The following COBL variants were observed in gnomAD, a reference collection of about 807,000 sequenced individuals.
COBL encodes the protein cordon-bleu WH2 repeat protein, also known as protein cordon-bleu.
COBL carries 51 observed loss-of-function variants against 98.8 expected under a neutral mutation model. That is an observed-to-expected ratio of 0.52 (90% CI 0.41 to 0.65). The LOEUF is 0.65. Among genes scored for constraint, COBL ranks in the 30% least tolerant of loss-of-function variants. COBL has a pLI of 0.00. For missense variants in COBL, 1,617 were observed against 1,617.5 expected, an observed-to-expected ratio of 1.00 and a Z score of 0.01; for synonymous variants, 634 against 651.7, an observed-to-expected ratio of 0.97 and a Z score of 0.41.
chr7:51,272,988 A>T (rs545329442), intron 1 of COBL, among the ~76,000 whole-genome samples: 1 of 150,102 alleles, frequency 6.7e-6, no homozygotes, highest in Non-Finnish European at 1.5e-5. Flanking sequence ...ACAACAACAA[A>T]AACATCCTTC....
At chr7:51,315,580 T>G (rs1177098202) in intron 1 of COBL, among the ~76,000 whole-genome samples, 1 of 151,992 alleles carries the variant, frequency 6.6e-6, no homozygotes, top group East Asian at 1.9e-4. Flanking sequence ...CCAACCCTCA[T>G]TCCATTTGCA....
intron 2 of COBL, among the ~76,000 whole-genome samples, chr7:51,214,181 A>C (rs919444009): frequency 9.2e-5 from 14 of 152,094 alleles, no homozygotes; most frequent in African/African-American, 3.4e-4. Flanking sequence ...CAAGAGAATC[A>C]CTTGAACCTC....
intron 2 of COBL, among the ~76,000 whole-genome samples, chr7:51,211,849 C>G (rs1435998987): frequency 1.3e-5 from 2 of 152,164 alleles, no homozygotes; most frequent in African/African-American, 4.8e-5. Flanking sequence ...ACACAGACAT[C>G]AAGAAAAATC....
chr7:51,255,917 C>A (rs1359493996), intron 1 of COBL, among the ~76,000 whole-genome samples: 1 of 152,172 alleles, frequency 6.6e-6, no homozygotes, highest in East Asian at 1.9e-4. Context: ...GTTTGAGAAG[C>A]CCAGCTCCTG....
intron 2 of COBL, among the ~76,000 whole-genome samples, chr7:51,207,616 G>A (rs1291583942): frequency 6.6e-6 from 1 of 152,248 alleles, no homozygotes; most frequent in East Asian, 1.9e-4. Flanking sequence ...TTTTTTGGTG[G>A]AGACGGGGTT....
In COBL at chr7:51,238,315, C is replaced by T. The variant is rs77433399; in HGVS notation, c.42-18371G>A. On this transcript the variant is annotated intron_variant, in intron 1 of 12. Transcript: ENST00000265136. ...TGGAGCAAGGATGGCTAGGCCACTC[C>T]GGGGTCCTTTCCCTGCAGTTCCCTC... is the stretch of plus-strand genomic sequence containing the variant. 8.1e-3 allele frequency among the ~76,000 whole-genome samples: 1,236 copies of T among 152,262 alleles called. 6 individuals carry two copies. The highest frequency in any genetic ancestry group is 0.036 in the South Asian group (174 of 4,812).
chr7:51,146,880 T>C (rs1279352667), intron 5 of COBL, among the ~76,000 whole-genome samples: 1 of 152,178 alleles, frequency 6.6e-6, no homozygotes, highest in East Asian at 1.9e-4. Context: ...AGGAGGGCTG[T>C]GATCCATTGG....
Position 51,065,158 on chromosome 7 carries a change from C to T in COBL, c.1096+20008G>A, listed in dbSNP as rs570174760. 2.2e-4 allele frequency: 155 copies of T among 701,810 alleles called. 2 individuals carry two copies. Among genetic ancestry groups the T allele is most frequent in the South Asian group, 1.6e-3 (107 of 67,554 alleles). The allele number at this position is 701,810 out of a possible 1,614,324, so 43.5% of individuals were successfully genotyped here. On this transcript the variant is annotated intron_variant, in intron 7 of 12. Coordinates refer to ENST00000265136, the MANE Select transcript of COBL (RefSeq NM_015198.5). ...GTGTTAGCTGATTAGGGATTGTCTC[C>T]CAAATGCCAATATTTCAGAGGTAGG...
intron 1 of COBL, among the ~76,000 whole-genome samples, chr7:51,220,715 G>A (rs1046107346): frequency 3.3e-5 from 5 of 152,060 alleles, no homozygotes; most frequent in Admixed American, 2.0e-4. Context: ...CCAGGGTTAG[G>A]TGTACAGATT....
At chr7:51,144,310 G>A (rs1189977284) in intron 5 of COBL, among the ~76,000 whole-genome samples, 1 of 152,164 alleles carries the variant, frequency 6.6e-6, no homozygotes, top group Non-Finnish European at 1.5e-5. Flanking sequence ...TCACAGCTAA[G>A]GAAACTCAGG....
intron 1 of COBL, among the ~76,000 whole-genome samples, chr7:51,268,819 ACTCAGGAGGCTGAGG>A (rs1798462842): frequency 6.6e-6 from 1 of 151,686 alleles, no homozygotes; most frequent in South Asian, 2.1e-4. Context: ...AGTCCCAGCT[ACTCAGGAGGCTGAGG>A]CAGGAGAATC....
At chr7:51,279,740 C>A (rs917231130) in intron 1 of COBL, among the ~76,000 whole-genome samples, 2 of 152,188 alleles carry the variant, frequency 1.3e-5, no homozygotes, top group Non-Finnish European at 2.9e-5. Context: ...TAGTATCATA[C>A]AGAGTATTTT....
At chr7:51,083,097 C>T (rs1583722913) in intron 7 of COBL, 7 of 1,535,158 alleles carry the variant, frequency 4.6e-6, no homozygotes, top group Non-Finnish European at 6.1e-6. Flanking sequence ...CCAGCGCCTT[C>T]CCCGGGAAAG....
intron 1 of COBL, among the ~76,000 whole-genome samples, chr7:51,247,479 C>A (rs1295821987): frequency 2.0e-5 from 3 of 152,190 alleles, no homozygotes; most frequent in African/African-American, 7.2e-5. Context: ...CACTTCAAGA[C>A]AACTGGTTGG....
intron 6 of COBL, among the ~76,000 whole-genome samples, chr7:51,112,582 T>C (rs1415601460): frequency 6.6e-6 from 1 of 152,212 alleles, no homozygotes; most frequent in Non-Finnish European, 1.5e-5. Context: ...ATCTCTTTCC[T>C]GAGCACCAGT....
chr7:51,305,815 C>T (rs1330236325), intron 1 of COBL, among the ~76,000 whole-genome samples: 1 of 152,050 alleles, frequency 6.6e-6, no homozygotes, highest in African/African-American at 2.4e-5. Flanking sequence ...CGGTGGATCA[C>T]TTGAGGTCAG....
chr7:51,256,608 T>C (rs1182958120), intron 1 of COBL, among the ~76,000 whole-genome samples: 1 of 152,216 alleles, frequency 6.6e-6, no homozygotes, highest in African/African-American at 2.4e-5. Flanking sequence ...TCAATCGCCC[T>C]AGTAGGGCCT....
intron 5 of COBL, among the ~76,000 whole-genome samples, chr7:51,138,270 G>A (rs1457285636): frequency 1.3e-5 from 2 of 152,168 alleles, no homozygotes; most frequent in African/African-American, 2.4e-5. Flanking sequence ...GTTCCCTTGA[G>A]TCCTTGAGTT....
rs73118434 is a variant in COBL at position 51,080,174 on chromosome 7, G to T, written c.1096+4992C>A. On this transcript the variant is annotated intron_variant, in intron 7 of 12. Transcript: ENST00000265136. ...ACAGGGGAATGGCTGGAACAGAATG[G>T]CTCAGAGTTGAAGAGATAAAATAAA... Among the ~76,000 whole-genome samples, 1,167 of 152,274 alleles carry T rather than the reference G, an allele frequency of 7.7e-3. 17 individuals carry two copies. Among genetic ancestry groups the T allele is most frequent in the Non-Finnish European group, 0.013 (854 of 68,010 alleles).
Sources: gnomAD v4.1 joint callset for allele counts (sites outside exome capture counted in the v4.1 genomes callset) on GRCh38, gnomAD v4.1.1 for gene constraint, MANE v1.5 for transcripts, NCBI Gene and HGNC (gene_info 2026-07-23, HGNC 2026-07-21) for gene names.